The following ARHGAP32 variants were observed in gnomAD, a reference collection of about 807,000 sequenced individuals.
ARHGAP32 encodes the protein Rho GTPase activating protein 32.
In ARHGAP32, 51 loss-of-function variants were observed where a neutral mutation model predicts 186.5. The ratio of observed to expected loss-of-function variants is 0.27; its 90% CI spans 0.22 to 0.35. The LOEUF (loss-of-function observed/expected upper bound fraction) is 0.35, where lower values mean the gene tolerates loss of function less well. Ranked by LOEUF, ARHGAP32 falls within the 10% of genes least tolerant of loss-of-function variation. The pLI, the probability that ARHGAP32 is intolerant of heterozygous loss-of-function variation, is 1.00. For missense variants in ARHGAP32, 2,186 were observed against 2,623.5 expected, an observed-to-expected ratio of 0.83 and a Z score of 3.64; for synonymous variants, 950 against 964.3, an observed-to-expected ratio of 0.99 and a Z score of 0.27.
chr11:129,069,738 T>C (rs917567473), intron 6 of ARHGAP32, among the ~76,000 whole-genome samples: 1 of 148,792 alleles, frequency 6.7e-6, no homozygotes, highest in Non-Finnish European at 1.5e-5. Context: ...GAAGATGTAT[T>C]AGGCTTCAAC....
intron 1 of ARHGAP32, among the ~76,000 whole-genome samples, chr11:129,184,647 T>G (rs1039867880): frequency 1.3e-5 from 2 of 151,980 alleles, no homozygotes; most frequent in Non-Finnish European, 2.9e-5. Context: ...ACAAAAAAAT[T>G]TCTTCCCTAA....
chr11:129,063,869 A>G, intron 9 of ARHGAP32, 33 bp downstream of exon 9: 1 of 1,579,332 alleles, frequency 6.3e-7, no homozygotes, highest in Admixed American at 1.9e-5. Context: ...GTTAGCAAGA[A>G]CCAAATAACA....
Position 129,164,322 on chromosome 11 carries a change from T to A in ARHGAP32, c.222A>T (p.Ala74=). 1 of 1,532,132 alleles carries A rather than the reference T, an allele frequency of 6.5e-7. No homozygotes were observed. The highest frequency in any genetic ancestry group is 8.9e-7 in the Non-Finnish European group (1 of 1,126,360). The allele number at this position is 1,532,132 out of a possible 1,614,324, so 94.9% of individuals were successfully genotyped here. The change falls in exon 2 of 23, where the codon GCA becomes GCT. Residue 74 remains alanine, a synonymous_variant. Coordinates refer to ENST00000682385, the MANE Select transcript of ARHGAP32 (RefSeq NM_001378024.1). ...CAATTGTATAAAACTGATTTACCATTGCGCTAAGAGTTTCTTCCCAATCAG... is the reference window on the plus strand; with the variant it reads ...CAATTGTATAAAACTGATTTACCATAGCGCTAAGAGTTTCTTCCCAATCAG... ...ERPDWEETLS[A]MARGADVPEI...
chr11:129,057,774 T>A (rs1029991431), intron 10 of ARHGAP32, among the ~76,000 whole-genome samples: 1 of 151,320 alleles, frequency 6.6e-6, no homozygotes, highest in African/African-American at 2.4e-5. Context: ...ATGGATTAAC[T>A]GCGTATTTAG....
Position 128,968,946 on chromosome 11 carries a change from C to T in ARHGAP32, c.6267G>A (p.Leu2089=). The T allele has an allele frequency of 1.3e-6, 2 of 1,554,682 alleles. No individual in the cohort carries two copies. Among genetic ancestry groups the T allele is most frequent in the African/African-American group, 2.7e-5 (2 of 73,640 alleles). Reference sequence around the variant, plus strand: ...TCTGTGTTTCAGGATGCTGCAAGGACAACTCTGCGGGCAGGAAGGCCCCTT... The same window carrying T: ...TCTGTGTTTCAGGATGCTGCAAGGATAACTCTGCGGGCAGGAAGGCCCCTT... The part of the protein sequence containing the change: ...LGQGAFLPAE[L]SLQHPETQIH... Residue 2089 remains leucine (L), a synonymous_variant, in exon 23 of 23, where the codon TTG becomes TTA. Coordinates refer to ENST00000682385, the MANE Select transcript of ARHGAP32 (RefSeq NM_001378024.1).
At chr11:129,128,758 A>G (rs918979422) in intron 2 of ARHGAP32, among the ~76,000 whole-genome samples, 3 of 152,002 alleles carry the variant, frequency 2.0e-5, no homozygotes, top group Non-Finnish European at 4.4e-5. Flanking sequence ...TGGTTTTTGC[A>G]TTTTTTGGTG....
At chr11:129,104,610 G>C (rs1941998382) in intron 5 of ARHGAP32, among the ~76,000 whole-genome samples, 2 of 150,768 alleles carry the variant, frequency 1.3e-5, no homozygotes, top group South Asian at 2.1e-4. Context: ...TCTCTAGGAA[G>C]AAATGGGGAG....
At chr11:129,132,701 A>T (rs906709352) in intron 2 of ARHGAP32, among the ~76,000 whole-genome samples, 2 of 152,230 alleles carry the variant, frequency 1.3e-5, no homozygotes, top group Non-Finnish European at 2.9e-5. Flanking sequence ...ATTACTAGCT[A>T]TATCAAAAAC....
At chr11:129,129,773 G>C (rs1942770631) in intron 2 of ARHGAP32, among the ~76,000 whole-genome samples, 2 of 152,158 alleles carry the variant, frequency 1.3e-5, no homozygotes, top group African/African-American at 2.4e-5. Flanking sequence ...GTATGCACAA[G>C]AGTGCCTATT....
exon 1 of ARHGAP32, chr11:129,279,160 C>G (rs1183623872): frequency 6.9e-6 from 1 of 145,480 alleles, no homozygotes; most frequent in Non-Finnish European, 1.5e-5. Context: ...CCCCGCGGCC[C>G]CGCCGCGCCG....
At chr11:129,074,050 T>A (rs147717974) in intron 6 of ARHGAP32, among the ~76,000 whole-genome samples, 1 of 152,098 alleles carries the variant, frequency 6.6e-6, no homozygotes, top group Non-Finnish European at 1.5e-5. Context: ...TTGAGAAAAT[T>A]TGTGGCCAGC....
At chr11:129,215,126 C>G (rs1421344212) in intron 1 of ARHGAP32, among the ~76,000 whole-genome samples, 1 of 152,192 alleles carries the variant, frequency 6.6e-6, no homozygotes, top group East Asian at 1.9e-4. Flanking sequence ...TTCACAGTAA[C>G]TCACGTGCTG....
chr11:129,093,716 C>G lies in ARHGAP32; in HGVS notation c.445-9G>C. On this transcript the variant is annotated splice_polypyrimidine_tract_variant and intron_variant, in intron 5 of 22. Coordinates refer to ENST00000682385, the MANE Select transcript of ARHGAP32 (RefSeq NM_001378024.1). ...TCTTCTGAAAGTGAAAGCTACATCA[C>G]AGAAAAAAAAGAAGAGGGGGAAAGA... 6.4e-7 allele frequency: 1 copy of G among 1,564,140 alleles called. No homozygotes were observed. The highest frequency in any genetic ancestry group is 8.7e-7 in the Non-Finnish European group (1 of 1,151,124).
intron 11 of ARHGAP32, among the ~76,000 whole-genome samples, chr11:129,024,589 C>T (rs1005831679): frequency 1.3e-5 from 2 of 152,118 alleles, no homozygotes; most frequent in African/African-American, 2.4e-5. Context: ...TCAACTTACA[C>T]AGTCTCTGTG....
At chr11:129,093,798 C>G in intron 5 of ARHGAP32, 91 bp from the exon 6 acceptor site, 1 of 867,742 alleles carries the variant, frequency 1.2e-6, no homozygotes, top group Non-Finnish European at 1.9e-6. Flanking sequence ...GGAGCATCAT[C>G]TCCGGGTGAG....
chr11:129,140,247 A>C (rs1943023219), intron 2 of ARHGAP32, among the ~76,000 whole-genome samples: 1 of 152,116 alleles, frequency 6.6e-6, no homozygotes, highest in Non-Finnish European at 1.5e-5. Context: ...CAGGGACCTC[A>C]GATCTACAAC....
chr11:129,152,321 T>C (rs1472828371), intron 2 of ARHGAP32, among the ~76,000 whole-genome samples: 1 of 152,144 alleles, frequency 6.6e-6, no homozygotes, highest in Non-Finnish European at 1.5e-5. Flanking sequence ...GAAGAATTGG[T>C]ACCAATCTTA....
intron 1 of ARHGAP32, among the ~76,000 whole-genome samples, chr11:129,231,125 C>T (rs904154935): frequency 1.1e-4 from 17 of 152,132 alleles, no homozygotes; most frequent in African/African-American, 4.1e-4. Flanking sequence ...CAGAGTAAGA[C>T]GCCATCTCAA....
At chr11:129,240,102 C>T (rs910471949) in intron 1 of ARHGAP32, among the ~76,000 whole-genome samples, 5 of 151,878 alleles carry the variant, frequency 3.3e-5, no homozygotes, top group Admixed American at 1.3e-4. Flanking sequence ...AGTGCAGTGG[C>T]GTGATCTCGG....
Sources: allele counts gnomAD v4.1 joint callset (sites outside exome capture counted in the v4.1 genomes callset), GRCh38; gene constraint gnomAD v4.1.1; transcripts MANE v1.5; gene names NCBI Gene and HGNC (gene_info 2026-07-23, HGNC 2026-07-21).